The following MCFD2 variants were observed in gnomAD, a reference collection of about 807,000 sequenced individuals.
The protein encoded by MCFD2 is multiple coagulation factor deficiency protein 2.
In MCFD2, 11 loss-of-function variants were observed where a neutral mutation model predicts 12.8. The observed-to-expected ratio is 0.86, with a 90% CI of 0.54 to 1.42. The LOEUF is 1.42. Ranked by LOEUF, MCFD2 falls within the 40% of genes most tolerant of loss-of-function variation. MCFD2 has a pLI of 0.00. For synonymous variants in MCFD2, 70 were observed against 68.1 expected, an observed-to-expected ratio of 1.03 and a Z score of -0.14; for missense variants, 191 against 178.6, an observed-to-expected ratio of 1.07 and a Z score of -0.40.
In MCFD2 at chr2:46,937,917, C is replaced by G. The variant is rs938716275; in HGVS notation, c.-8+3655G>C. Among the ~76,000 whole-genome samples, 1 of 151,984 alleles carries G rather than the reference C, an allele frequency of 6.6e-6. No homozygotes were observed. Among genetic ancestry groups the G allele is most frequent in the African/African-American group, 2.4e-5 (1 of 41,344 alleles). The stretch of plus-strand genomic sequence containing the variant: ...TCAGCAGGTCATGGACTGAAGAAAA[C>G]TACTGTGTATATATATGTAAAAGAG... On this transcript the variant is annotated intron_variant, in intron 1 of 2. Transcript: ENST00000409147. This position sits in a 1 kb window ranked among gnomAD's most constrained non-coding sequence, Gnocchi z 4.0.
At position 46,909,011 on chromosome 2, in the gene MCFD2, C is replaced by T. The variant is rs368226284; in HGVS notation, c.149+12G>A. ...GGAGGCCACTGGACCACAGCCCGGG[C>T]TGAATACGTACTCTTGGTCGTGCAC... On this transcript the variant is annotated intron_variant, in intron 2 of 3. Coordinates refer to ENST00000319466, the MANE Select transcript of MCFD2 (RefSeq NM_139279.6). The T allele has an allele frequency of 3.1e-6, 5 of 1,614,160 alleles. No homozygotes were observed. In the East Asian group the frequency reaches 1.1e-4, roughly 36 times the overall value.
chr2:46,918,781 T>G (rs541433554), upstream of MCFD2, among the ~76,000 whole-genome samples: 1 of 152,328 alleles, frequency 6.6e-6, no homozygotes, highest in South Asian at 2.1e-4. Flanking sequence ...GAGTGTTGCC[T>G]TTTTTAGTAG....
upstream of MCFD2, among the ~76,000 whole-genome samples, chr2:46,919,431 G>A (rs1668985530): frequency 6.6e-6 from 1 of 152,208 alleles, no homozygotes; most frequent in African/African-American, 2.4e-5. Flanking sequence ...TACTCGGGAG[G>A]CTGAAGCAGG....
chr2:46,918,423 A>T (rs1668929708), upstream of MCFD2, among the ~76,000 whole-genome samples: 1 of 152,286 alleles, frequency 6.6e-6, no homozygotes, highest in African/African-American at 2.4e-5. Flanking sequence ...GAGCTTCCTA[A>T]CTGACCGTCC....
rs998042740 is a variant in MCFD2, at chr2:46,941,238, A to AGCGGCG, written c.-8+328_-8+333dup. The AGCGGCG allele has an allele frequency of 3.9e-4, 58 of 147,648 alleles. No individual in the cohort carries two copies. Among genetic ancestry groups the AGCGGCG allele is most frequent in the African/African-American group, 1.1e-3 (45 of 40,254 alleles). 9.1% of individuals were successfully genotyped at this position (147,648 alleles called of 1,614,324 possible). On this transcript the variant is annotated intron_variant, in intron 1 of 2. Coordinates refer to the MCFD2 transcript ENST00000409147. This position sits in a 1 kb window ranked among gnomAD's most constrained non-coding sequence, Gnocchi z 4.2. ...GGGCGGAGGCTGTGGCAGCAGCTGC[A>AGCGGCG]GCGGCGGCGGCGGCGGCAGCGCCAG...
chr2:46,934,633 C>T (rs1412297143), intron 1 of MCFD2, among the ~76,000 whole-genome samples: 1 of 151,742 alleles, frequency 6.6e-6, no homozygotes, highest in East Asian at 1.9e-4. Flanking sequence ...CTTTAAAAAC[C>T]CTCCCCTCAT....
At position 46,936,687 on chromosome 2, in the gene MCFD2, G is replaced by T. The variant is rs577567591; in HGVS notation, c.-8+4885C>A. On this transcript the variant is annotated intron_variant, in intron 1 of 2. Coordinates refer to the MCFD2 transcript ENST00000409147. The stretch of plus-strand genomic sequence containing the variant: ...ATGTGTACACTTACTTTTATAGACA[G>T]CATCATCATTTCCCCAAAGATAATT... 7.2e-5 allele frequency among the ~76,000 whole-genome samples: 11 copies of T among 152,206 alleles called. No homozygotes were observed. The East Asian group carries it at 1.4e-3, about 19-fold the overall frequency.
In MCFD2 at chr2:46,937,426, A is replaced by G. The variant is rs564524873; in HGVS notation, c.-8+4146T>C. Among the ~76,000 whole-genome samples, 15 of 152,204 alleles carry G rather than the reference A, an allele frequency of 9.9e-5. 1 individual carries two copies. The highest frequency in any genetic ancestry group is 3.6e-4 in the African/African-American group (15 of 41,526). On this transcript the variant is annotated intron_variant, in intron 1 of 2. Transcript: ENST00000409147. This position sits in a 1 kb window ranked among gnomAD's most constrained non-coding sequence, Gnocchi z 4.0. ...ATGGTGGATTTTAAGCCCTGTTTTCATTTTTAGCTGAAAGCCATTGTAAAA... is the reference window on the plus strand; with the variant it reads ...ATGGTGGATTTTAAGCCCTGTTTTCGTTTTTAGCTGAAAGCCATTGTAAAA...
intron 1 of MCFD2, among the ~76,000 whole-genome samples, chr2:46,926,681 C>T (rs1362384011): frequency 6.6e-6 from 1 of 152,190 alleles, no homozygotes; most frequent in African/African-American, 2.4e-5. Context: ...TTATCCTAAG[C>T]ATCAGATGAT....
At position 46,908,218 on chromosome 2, in the gene MCFD2, G is replaced by T. The variant is rs571097648; in HGVS notation, c.150-249C>A. On this transcript the variant is annotated intron_variant, in intron 2 of 3. Coordinates refer to ENST00000319466, the MANE Select transcript of MCFD2 (RefSeq NM_139279.6). This position sits in a 1 kb window ranked among gnomAD's most constrained non-coding sequence, Gnocchi z 4.5. ...CTTTCCTCTTTATTATTAGAATTTT[G>T]TTATAACATTTTCAGGCCATCAATT... is the stretch of plus-strand genomic sequence containing the variant. The T allele has an allele frequency of 9.6e-6, 5 of 518,590 alleles. No homozygotes were observed. The highest frequency in any genetic ancestry group is 3.3e-5 in the Admixed American group (1 of 30,654). The allele number at this position is 518,590 out of a possible 1,614,324, so 32.1% of individuals were successfully genotyped here.
At chr2:46,936,626 C>G (rs1669992865) in intron 1 of MCFD2, among the ~76,000 whole-genome samples, 1 of 152,128 alleles carries the variant, frequency 6.6e-6, no homozygotes, top group Non-Finnish European at 1.5e-5. Context: ...TCGGGCCAGA[C>G]TTCTGCTTCT....
At chr2:46,909,519 G>T (rs1225946352) in intron 1 of MCFD2, among the ~76,000 whole-genome samples, 1 of 152,214 alleles carries the variant, frequency 6.6e-6, no homozygotes, top group African/African-American at 2.4e-5. Context: ...AGGAAAGGCA[G>T]CCAGCAAGTT....
chr2:46,938,034 T>C lies in MCFD2; in HGVS notation c.-8+3538A>G, dbSNP rs537584617. ...TTGAAGCAGAGGTGATGGGACTCTT[T>C]TCTCTTTTTGTGAATGGCCTTAAAC... On this transcript the variant is annotated intron_variant, in intron 1 of 2. Transcript: ENST00000409147. Among the ~76,000 whole-genome samples, 8 of 152,264 alleles carry C rather than the reference T, an allele frequency of 5.3e-5. No homozygotes were observed. In the South Asian group the frequency reaches 1.7e-3, roughly 32 times the overall value.
At chr2:46,914,778 G>T (rs925335940) in intron 1 of MCFD2, among the ~76,000 whole-genome samples, 2 of 152,152 alleles carry the variant, frequency 1.3e-5, no homozygotes, top group Non-Finnish European at 2.9e-5. Flanking sequence ...TTCAACCAAA[G>T]GACAGTGCCT....
rs982338184 is a variant in MCFD2 at position 46,941,409 on chromosome 2, C to G, written c.-8+163G>C. On this transcript the variant is annotated intron_variant, in intron 1 of 2. Coordinates refer to the MCFD2 transcript ENST00000409147. This position sits in a 1 kb window ranked among gnomAD's most constrained non-coding sequence, Gnocchi z 4.2. ...GCCCACCCTCCGCCGCCCGGGCCCC[C>G]GCTGCCGCCCGGGCCCCGGCTGCCG... 9.5e-6 allele frequency: 8 copies of G among 844,220 alleles called. No individual in the cohort carries two copies. Among genetic ancestry groups the G allele is most frequent in the Non-Finnish European group, 1.1e-5 (7 of 659,122 alleles). 52.3% of individuals were successfully genotyped at this position (844,220 alleles called of 1,614,324 possible). A position where few individuals can be genotyped will look rare whatever the true frequency, so the allele number is the denominator to read the frequency against.
Position 46,902,959 on chromosome 2 carries a change from C to G in MCFD2, c.*2504G>C, listed in dbSNP as rs1668071024. The G allele has an allele frequency of 6.6e-6, 1 of 152,172 alleles. No homozygotes were observed. The highest frequency in any genetic ancestry group is 2.1e-4 in the South Asian group (1 of 4,830). 9.4% of individuals were successfully genotyped at this position (152,172 alleles called of 1,614,324 possible). A position where few individuals can be genotyped will look rare whatever the true frequency, so the allele number is the denominator to read the frequency against. On this transcript the variant is annotated 3_prime_UTR_variant, in exon 4 of 4. Transcript: ENST00000319466. The stretch of plus-strand genomic sequence containing the variant: ...AGCAGTATTCTACTACAGTCAAGTT[C>G]CTGAGTACTCAGCTCCAATTATCTA...
intron 1 of MCFD2, among the ~76,000 whole-genome samples, chr2:46,930,587 C>T (rs1410872615): frequency 2.0e-5 from 3 of 151,442 alleles, no homozygotes; most frequent in Admixed American, 6.6e-5. Context: ...GCAACCTCTG[C>T]CTCCCAGGTT....
chr2:46,919,402 G>A (rs570748022), upstream of MCFD2, among the ~76,000 whole-genome samples: 23 of 152,238 alleles, frequency 1.5e-4, no homozygotes, highest in South Asian at 4.6e-3. Flanking sequence ...GTGTGGTGAC[G>A]CATGCTTGTA....
At chr2:46,935,167 T>C (rs776380971) in intron 1 of MCFD2, among the ~76,000 whole-genome samples, 48 of 152,132 alleles carry the variant, frequency 3.2e-4, no homozygotes, top group Admixed American at 1.7e-3. Context: ...GGTCACTAGA[T>C]GGCTGAAGGC....
Sources: gnomAD v4.1 joint callset for allele counts (sites outside exome capture counted in the v4.1 genomes callset) on GRCh38, gnomAD v4.1.1 for gene constraint, Gnocchi (gnomAD v3.1) non-coding constraint, MANE v1.5 for transcripts, NCBI Gene and HGNC (gene_info 2026-07-23, HGNC 2026-07-21) for gene names.